IFT74: variants seen among roughly 807,000 people sequenced by gnomAD.
The protein encoded by IFT74 is intraflagellar transport 74, also known as intraflagellar transport protein 74 homolog.
Under a neutral mutation model 96.7 loss-of-function variants are expected in IFT74, and 92 were observed. That is an observed-to-expected ratio of 0.95 (90% CI 0.80 to 1.13). The LOEUF is 1.13. IFT74 is among the 50% of genes most tolerant of loss of function. The pLI is 0.00. For missense variants in IFT74, 811 were observed against 698.2 expected, an observed-to-expected ratio of 1.16 and a Z score of -1.82; for synonymous variants, 223 against 213.2, an observed-to-expected ratio of 1.05 and a Z score of -0.40.
intron 8 of IFT74, chr9:26,998,043 C>CA: frequency 6.2e-7 from 1 of 1,613,490 alleles, no homozygotes; most frequent in Non-Finnish European, 8.5e-7. Context: ...GAGAGGTTAC[C>CA]AAAACCGTTA....
At chr9:26,996,932 C>T (rs895120555) in intron 8 of IFT74, among the ~76,000 whole-genome samples, 7 of 152,068 alleles carry the variant, frequency 4.6e-5, no homozygotes, top group African/African-American at 7.2e-5. Flanking sequence ...CATTTCTGGC[C>T]GGGCGCAGAG....
rs1047287040 is a variant in IFT74 at position 27,065,358 on chromosome 9, C to T, written c.*2622C>T. On this transcript the variant is annotated 3_prime_UTR_variant, in exon 20 of 20. Coordinates refer to ENST00000380062, the MANE Select transcript of IFT74 (RefSeq NM_025103.4). ...AGGCTAATAGCTGCATGAACTGGCT[C>T]TTCCTGAGTCAGTCACATTACTCAG... is the stretch of plus-strand genomic sequence containing the variant. Among the ~76,000 whole-genome samples, 3 of 152,150 alleles carry T rather than the reference C, an allele frequency of 2.0e-5. No individual in the cohort carries two copies. The highest frequency in any genetic ancestry group is 1.3e-4 in the Admixed American group (2 of 15,276).
At chr9:27,027,780 G>C (rs935483394) in intron 12 of IFT74, among the ~76,000 whole-genome samples, 9 of 151,798 alleles carry the variant, frequency 5.9e-5, no homozygotes, top group African/African-American at 1.7e-4. Flanking sequence ...TCATTTTCTT[G>C]GTGTCTTTGG....
rs900386008 is a variant in IFT74, at chr9:26,984,565, T to C, written c.465+6T>C. On this transcript the variant is annotated splice_donor_region_variant and intron_variant, in intron 6 of 19. Coordinates refer to ENST00000380062, the MANE Select transcript of IFT74 (RefSeq NM_025103.4). ...AACTAGCAGACTACAACATGGTATT[T>C]TATCTTTTCTAAGAGAATTTACTGT... is the stretch of plus-strand genomic sequence containing the variant. 13 of 1,599,578 alleles carry C rather than the reference T, an allele frequency of 8.1e-6. No homozygotes were observed. Among genetic ancestry groups the C allele is most frequent in the Non-Finnish European group, 1.1e-5 (13 of 1,169,288 alleles).
chr9:26,989,453 C>A (rs1055481625), intron 7 of IFT74, among the ~76,000 whole-genome samples: 2 of 151,960 alleles, frequency 1.3e-5, no homozygotes. Flanking sequence ...TGATTATAAG[C>A]ATTTGGATGA....
chr9:27,037,385 G>A (rs573427428), intron 13 of IFT74, among the ~76,000 whole-genome samples: 1 of 152,128 alleles, frequency 6.6e-6, no homozygotes, highest in South Asian at 2.1e-4. Context: ...TGAGAGGAAG[G>A]AATTTAAGGA....
chr9:27,026,926 A>G (rs963391418), intron 12 of IFT74, among the ~76,000 whole-genome samples: 5 of 128,802 alleles, frequency 3.9e-5, no homozygotes, highest in African/African-American at 1.5e-4. Flanking sequence ...TAGAGCAACA[A>G]GCACAAACAA....
At chr9:27,046,442 T>C (rs550783911) in intron 14 of IFT74, among the ~76,000 whole-genome samples, 99 of 152,332 alleles carry the variant, frequency 6.5e-4, no homozygotes, top group African/African-American at 2.3e-3. Context: ...TGAAAGTTTC[T>C]ATTTTTTAGA....
intron 16 of IFT74, among the ~76,000 whole-genome samples, chr9:27,048,599 A>G (rs1250154597): frequency 6.6e-6 from 1 of 152,248 alleles, no homozygotes. Flanking sequence ...AGGGTCCAGC[A>G]TGAATTGAAA....
chr9:27,040,977 T>C (rs945958494), intron 13 of IFT74, among the ~76,000 whole-genome samples: 5 of 152,274 alleles, frequency 3.3e-5, no homozygotes, highest in South Asian at 2.1e-4. Flanking sequence ...GCTCAGACTA[T>C]TGGCAGTGCA....
intron 9 of IFT74, among the ~76,000 whole-genome samples, chr9:27,010,638 C>T (rs1256524965): frequency 1.3e-5 from 2 of 151,694 alleles, no homozygotes; most frequent in African/African-American, 2.4e-5. Context: ...CACAGGTGCC[C>T]GCCACCACGC....
chr9:27,038,325 C>T (rs1024717446), intron 13 of IFT74, among the ~76,000 whole-genome samples: 9 of 152,028 alleles, frequency 5.9e-5, no homozygotes, highest in Non-Finnish European at 7.4e-5. Context: ...TGCAATGGCG[C>T]GATTTTAGCT....
rs78753648 is a variant in IFT74 at position 27,017,019 on chromosome 9, C to T, written c.902C>T (p.Pro301Leu). 8.9e-4 allele frequency: 1,422 copies of T among 1,604,926 alleles called. 1 individual carries two copies. The highest frequency in any genetic ancestry group is 1.1e-3 in the Non-Finnish European group (1,274 of 1,176,360). Residue 301 changes from proline (P) to leucine (L), a missense_variant, in exon 11 of 20, where the codon CCA (proline) becomes CTA (leucine). Coordinates refer to ENST00000380062, the MANE Select transcript of IFT74 (RefSeq NM_025103.4). ...GCAGAAGACAAAAGCATAGGATCTC[C>T]AATGGAAGAGAGAGAGAAATTACTT... Reference protein sequence around the residue: ...MIAEDKSIGSPMEEREKLLKQ... With the variant: ...MIAEDKSIGSLMEEREKLLKQ...
rs1344386797 is a variant in IFT74, at chr9:26,968,811, ATTAG to A, written c.120+6730_120+6733del. Among the ~76,000 whole-genome samples the A allele has an allele frequency of 5.4e-5, 8 of 148,722 alleles. No homozygotes were observed. In the East Asian group the frequency reaches 1.4e-3, roughly 26 times the overall value. ...TATTTGAGTCTTCCCTCTTTTTTTC[ATTAG>A]TTAGTCTGGCTAAAAGTTTGTTGAT... On this transcript the variant is annotated intron_variant, in intron 2 of 19. Transcript: ENST00000380062.
In IFT74 at chr9:27,018,120, G is replaced by A. The variant is rs537342781; in HGVS notation, c.934-527G>A. On this transcript the variant is annotated intron_variant, in intron 11 of 19. Transcript: ENST00000380062. ...AGGTACGCCTACCACATAAAATATA[G>A]AATGGCTGCTTAAATTTGAATTTCA... Among the ~76,000 whole-genome samples, 19 of 152,162 alleles carry A rather than the reference G, an allele frequency of 1.2e-4. No homozygotes were observed. In the East Asian group the frequency reaches 3.5e-3, roughly 28 times the overall value.
At chr9:27,006,010 AT>A (rs1828757158) in intron 8 of IFT74, among the ~76,000 whole-genome samples, 1 of 151,718 alleles carries the variant, frequency 6.6e-6, no homozygotes, top group South Asian at 2.1e-4. Context: ...CACCTGGCTA[AT>A]TTTTGTATTT....
rs1828640744 is a variant in IFT74 at position 27,003,940 on chromosome 9, T to C, written c.588-5080T>C. Among the ~76,000 whole-genome samples, 5 of 152,330 alleles carry C rather than the reference T, an allele frequency of 3.3e-5. No individual in the cohort carries two copies. In the South Asian group the frequency reaches 1.0e-3, roughly 32 times the overall value. ...GCTCCTTCAATGGCTTGTTTCAGTA[T>C]TTCTCAATGATGTGGTGAAATTCTT... is the stretch of plus-strand genomic sequence containing the variant. On this transcript the variant is annotated intron_variant, in intron 8 of 19. Coordinates refer to ENST00000380062, the MANE Select transcript of IFT74 (RefSeq NM_025103.4).
intron 8 of IFT74, among the ~76,000 whole-genome samples, chr9:27,006,369 G>T (rs1046002566): frequency 6.6e-6 from 1 of 152,116 alleles, no homozygotes; most frequent in Non-Finnish European, 1.5e-5. Flanking sequence ...AAGCTAAGAT[G>T]AGAGAATAAT....
intron 8 of IFT74, chr9:26,998,335 C>T (rs72703110): frequency 0.041 from 30,421 of 739,070 alleles, 1,021 homozygotes; most frequent in South Asian, 0.16. Flanking sequence ...ATTAGAAGGA[C>T]GTTATTTTGG....
Sources: allele counts gnomAD v4.1 joint callset (sites outside exome capture counted in the v4.1 genomes callset), GRCh38; gene constraint gnomAD v4.1.1; transcripts MANE v1.5; gene names NCBI Gene and HGNC (gene_info 2026-07-23, HGNC 2026-07-21).